Variants in EPHB2 observed in about 807,000 individuals in gnomAD.
EPHB2 encodes EPH receptor B2, also known as ephrin type-B receptor 2.
A neutral mutation model predicts 96.4 loss-of-function variants in EPHB2; 18 were observed. The ratio of observed to expected loss-of-function variants is 0.19; its 90% CI spans 0.13 to 0.28. EPHB2 has a LOEUF of 0.28. Ranked by LOEUF, EPHB2 falls within the 10% of genes least tolerant of loss-of-function variation. EPHB2 has a pLI of 1.00. For missense variants in EPHB2, 989 were observed against 1,355.4 expected (o/e 0.73, Z 4.25); for synonymous variants, 506 against 534.1 (o/e 0.95, Z 0.72).
chr1:22,895,551 T>G lies in EPHB2; in HGVS notation c.1671T>G (p.Ala557=), dbSNP rs141173528. ...CCGCTGGCCTGGTCTTCCTCATTGCTGTGGTTGTCATCGCCATCGTGTGTA... is the reference window on the plus strand; with the variant it reads ...CCGCTGGCCTGGTCTTCCTCATTGCGGTGGTTGTCATCGCCATCGTGTGTA... ...SSAAGLVFLI[A]VVVIAIVCNR... The change falls in exon 8 of 16, where the codon GCT becomes GCG. Residue 557 remains alanine (A), a synonymous_variant. Transcript: ENST00000374630. 78 of 1,614,152 alleles carry G rather than the reference T, an allele frequency of 4.8e-5. No homozygotes were observed. The highest frequency in any genetic ancestry group is 6.4e-5 in the Non-Finnish European group (76 of 1,180,052).
chr1:22,889,249 T>G (rs1639319367), intron 6 of EPHB2, among the ~76,000 whole-genome samples: 1 of 152,170 alleles, frequency 6.6e-6, no homozygotes, highest in African/African-American at 2.4e-5. Context: ...TCAGGTTGGT[T>G]CCTCACTCTC....
intron 1 of EPHB2, among the ~76,000 whole-genome samples, chr1:22,767,764 C>T (rs1644327433): frequency 6.6e-6 from 1 of 152,210 alleles, no homozygotes; most frequent in South Asian, 2.1e-4. Flanking sequence ...TGCTCCATGT[C>T]AAGGGCCCCA....
At chr1:22,840,575 C>G (rs1244400477) in intron 3 of EPHB2, among the ~76,000 whole-genome samples, 2 of 152,212 alleles carry the variant, frequency 1.3e-5, no homozygotes, top group Non-Finnish European at 2.9e-5. Flanking sequence ...ATTCTCGTGC[C>G]TCAGCCTCCC....
At chr1:22,868,104 G>A (rs1053993981) in intron 5 of EPHB2, among the ~76,000 whole-genome samples, 1 of 152,182 alleles carries the variant, frequency 6.6e-6, no homozygotes, top group African/African-American at 2.4e-5. Flanking sequence ...AGCTCTGCAG[G>A]TGGAACTGCC....
intron 1 of EPHB2, among the ~76,000 whole-genome samples, chr1:22,765,367 C>T (rs918533875): frequency 6.6e-5 from 10 of 151,780 alleles, no homozygotes; most frequent in South Asian, 2.1e-4. Context: ...GCCAACATGG[C>T]GAAACCCCAT....
At chr1:22,879,070 T>G (rs1398141494) in intron 5 of EPHB2, among the ~76,000 whole-genome samples, 1 of 152,154 alleles carries the variant, frequency 6.6e-6, no homozygotes, top group Non-Finnish European at 1.5e-5. Context: ...GGAGGCTGCC[T>G]TACCCAGCCT....
chr1:22,721,613 T>G (rs184248567), intron 1 of EPHB2, among the ~76,000 whole-genome samples: 123 of 152,258 alleles, frequency 8.1e-4, no homozygotes, highest in Admixed American at 1.8e-3. Flanking sequence ...CAAAGTTCTT[T>G]TTTTTCCTCT....
chr1:22,767,028 G>T (rs769136314), intron 1 of EPHB2, among the ~76,000 whole-genome samples: 1 of 152,196 alleles, frequency 6.6e-6, no homozygotes, highest in African/African-American at 2.4e-5. Context: ...GAACAAGGCC[G>T]GGTCTGCCAT....
chr1:22,814,978 C>T (rs1184614431), intron 3 of EPHB2, among the ~76,000 whole-genome samples: 2 of 152,248 alleles, frequency 1.3e-5, no homozygotes, highest in East Asian at 3.9e-4. Flanking sequence ...ACCAGTCGCC[C>T]TCTATGGCCA....
intron 1 of EPHB2, among the ~76,000 whole-genome samples, chr1:22,738,085 CTT>C (rs60846859): frequency 0.011 from 1,631 of 152,308 alleles, 36 homozygotes; most frequent in African/African-American, 0.038. Flanking sequence ...AAAATACTAA[CTT>C]ATCGCAGAGT....
chr1:22,842,022 G>A (rs983833413), intron 3 of EPHB2, among the ~76,000 whole-genome samples: 1 of 152,088 alleles, frequency 6.6e-6, no homozygotes, highest in Non-Finnish European at 1.5e-5. Flanking sequence ...ATGGGGCCTC[G>A]GGACAGCTGG....
chr1:22,823,735 G>A (rs1645184889), intron 3 of EPHB2, among the ~76,000 whole-genome samples: 1 of 152,238 alleles, frequency 6.6e-6, no homozygotes, highest in Admixed American at 6.5e-5. Context: ...TATAAAATGG[G>A]AACAAAAGTG....
intron 3 of EPHB2, among the ~76,000 whole-genome samples, chr1:22,801,445 C>T (rs577922535): frequency 3.9e-5 from 6 of 152,188 alleles, no homozygotes; most frequent in East Asian, 3.9e-4. Flanking sequence ...GAGGGGAAAC[C>T]GAGCCCCAGA....
chr1:22,841,569 G>A (rs1030384410), intron 3 of EPHB2, among the ~76,000 whole-genome samples: 10 of 152,160 alleles, frequency 6.6e-5, no homozygotes, highest in African/African-American at 9.7e-5. Flanking sequence ...CATCTCCCTC[G>A]AGGCTGTGGG....
chr1:22,757,846 T>C lies in EPHB2; in HGVS notation c.62-23575T>C, dbSNP rs566222834. Among the ~76,000 whole-genome samples, 14 of 114,090 alleles carry C rather than the reference T, an allele frequency of 1.2e-4. No individual in the cohort carries two copies. The South Asian group carries it at 5.2e-3, about 42-fold the overall frequency. The allele number at this position is 114,090 out of a possible 152,430, so 74.8% of individuals were successfully genotyped here. On this transcript the variant is annotated intron_variant, in intron 1 of 15. Coordinates refer to ENST00000374630, the MANE Select transcript of EPHB2 (RefSeq NM_017449.5). Reference sequence around the variant, plus strand: ...CCACTGCACTCCAGCCTGAGTGACATAGTGAGACCCTTTCCCCCCAGCAAA... The same window carrying C: ...CCACTGCACTCCAGCCTGAGTGACACAGTGAGACCCTTTCCCCCCAGCAAA...
At chr1:22,782,895 C>A (rs1285907172) in intron 2 of EPHB2, among the ~76,000 whole-genome samples, 1 of 152,224 alleles carries the variant, frequency 6.6e-6, no homozygotes, top group African/African-American at 2.4e-5. Flanking sequence ...GCACCTGACC[C>A]TCCCCAGGCT....
intron 3 of EPHB2, among the ~76,000 whole-genome samples, chr1:22,857,262 C>T (rs1216335904): frequency 6.6e-6 from 1 of 152,172 alleles, no homozygotes; most frequent in Non-Finnish European, 1.5e-5. Context: ...ATCAGGGCTT[C>T]TTTTCCCCTC....
chr1:22,775,799 G>A (rs1644443155), intron 1 of EPHB2, among the ~76,000 whole-genome samples: 1 of 152,228 alleles, frequency 6.6e-6, no homozygotes, highest in Admixed American at 6.5e-5. Context: ...TCACACTGAG[G>A]AAGATGCTCT....
At chr1:22,903,446 C>T (rs775483786) in intron 9 of EPHB2, among the ~76,000 whole-genome samples, 2 of 152,314 alleles carry the variant, frequency 1.3e-5, no homozygotes, top group Middle Eastern at 3.4e-3. Context: ...CTCCAGCAGG[C>T]AGCATGGACC....
Sources: gnomAD v4.1 joint callset for allele counts (sites outside exome capture counted in the v4.1 genomes callset) on GRCh38, gnomAD v4.1.1 for gene constraint, MANE v1.5 for transcripts, NCBI Gene and HGNC (gene_info 2026-07-23, HGNC 2026-07-21) for gene names.